The following FDFT1 variants were observed in gnomAD, a reference collection of about 807,000 sequenced individuals.
FDFT1 encodes farnesyl-diphosphate farnesyltransferase 1.
A neutral mutation model predicts 46.8 loss-of-function variants in FDFT1; 68 were observed. The ratio of observed to expected loss-of-function variants is 1.45; its 90% CI spans 1.19 to 1.78. The LOEUF (loss-of-function observed/expected upper bound fraction) is 1.78, where lower values mean the gene tolerates loss of function less well. Ranked by LOEUF, FDFT1 falls within the 40% of genes most tolerant of loss-of-function variation. FDFT1 has a pLI of 0.00. For synonymous variants in FDFT1, 351 were observed against 185.1 expected (o/e 1.90, Z -7.28); for missense variants, 928 against 524.4 (o/e 1.77, Z -7.52).
At chr8:11,807,597 C>T (rs112606914) in intron 1 of FDFT1, among the ~76,000 whole-genome samples, 2 of 152,220 alleles carry the variant, frequency 1.3e-5, no homozygotes, top group Admixed American at 6.5e-5. Flanking sequence ...AAAAAATAGT[C>T]CATGAAAAAA....
chr8:11,838,294 G>A (rs1001512569), intron 7 of FDFT1, 94 bp from the exon 8 acceptor site: 3 of 912,762 alleles, frequency 3.3e-6, no homozygotes, highest in Non-Finnish European at 5.3e-6. Context: ...TGGTAAAATG[G>A]GTATAAAATA....
At chr8:11,801,622 A>T (rs1806125822), upstream of FDFT1, 1 of 208,526 alleles carries the variant, frequency 4.8e-6, no homozygotes, top group Non-Finnish European at 9.8e-6. Context: ...GCTCGGCTAG[A>T]CCTGACAGGT....
chr8:11,829,958 C>T (rs998068483), intron 5 of FDFT1, among the ~76,000 whole-genome samples: 1 of 151,952 alleles, frequency 6.6e-6, no homozygotes, highest in Non-Finnish European at 1.5e-5. Context: ...AGCAATTCTT[C>T]TGTCTCACCC....
intron 3 of FDFT1, among the ~76,000 whole-genome samples, chr8:11,819,099 C>T (rs1455939547): frequency 6.6e-6 from 1 of 152,176 alleles, no homozygotes; most frequent in African/African-American, 2.4e-5. Flanking sequence ...TTTTATTTCT[C>T]CTTCACTTGT....
chr8:11,801,526 G>T (rs1296612964), upstream of FDFT1, among the ~76,000 whole-genome samples: 3 of 152,168 alleles, frequency 2.0e-5, no homozygotes, highest in Non-Finnish European at 2.9e-5. Flanking sequence ...CAGCATGTTG[G>T]CCAGGCTGGT....
Position 11,825,989 on chromosome 8 carries a change from C to T in FDFT1, c.511-35C>T, listed in dbSNP as rs982681929. 9 of 1,454,330 alleles carry T rather than the reference C, an allele frequency of 6.2e-6. No individual in the cohort carries two copies. The African/African-American group carries it at 7.0e-5, about 11-fold the overall frequency. The allele number at this position is 1,454,330 out of a possible 1,614,324, so 90.1% of individuals were successfully genotyped here. A position where few individuals can be genotyped will look rare whatever the true frequency, so the allele number is the denominator to read the frequency against. On this transcript the variant is annotated intron_variant, in intron 4 of 7. Transcript: ENST00000220584. ...AGTGTGTCCATTTCAGTAAAAATTC[C>T]ATTATTAAAGTGCTTTAAAAATCGT... is the stretch of plus-strand genomic sequence containing the variant.
Position 11,831,568 on chromosome 8 carries a change from C to A in FDFT1, c.930C>A (p.Phe310Leu), listed in dbSNP as rs556178209. 2.5e-6 allele frequency: 4 copies of A among 1,614,008 alleles called. No homozygotes were observed. Among genetic ancestry groups the A allele is most frequent in the Non-Finnish European group, 2.5e-6 (3 of 1,179,896 alleles). ...LAACYNNQQV[F>L]KGAVKIRKGQ... ...CCTGTTATAATAACCAGCAGGTGTT[C>A]AAAGGGGCAGTGAAGATTCGGAAAG... The change falls in exon 7 of 8, where the codon TTC (phenylalanine) becomes TTA (leucine). Residue 310 changes from phenylalanine (F) to leucine (L), a missense_variant. Transcript: ENST00000220584.
At chr8:11,815,441 C>T (rs1808315677) in intron 3 of FDFT1, among the ~76,000 whole-genome samples, 1 of 152,194 alleles carries the variant, frequency 6.6e-6, no homozygotes, top group Admixed American at 6.5e-5. Flanking sequence ...TGGGGAATCA[C>T]CATACTGTCT....
chr8:11,804,917 T>TC lies in FDFT1; in HGVS notation c.99+1986_99+1987insC, dbSNP rs1288477949. 4.7e-5 allele frequency among the ~76,000 whole-genome samples: 4 copies of TC among 85,164 alleles called. No homozygotes were observed. In the East Asian group the frequency reaches 1.4e-3, roughly 30 times the overall value. 55.9% of individuals were successfully genotyped at this position (85,164 alleles called of 152,430 possible). A position where few individuals can be genotyped will look rare whatever the true frequency, so the allele number is the denominator to read the frequency against. ...AGCCACTGCACCCGGCCTTTTTTTT[T>TC]TTTTTTTTGAGGGGGGGGTCTCACT... On this transcript the variant is annotated intron_variant, in intron 1 of 7. Transcript: ENST00000220584.
At chr8:11,823,945 C>A (rs763749753) in intron 4 of FDFT1, among the ~76,000 whole-genome samples, 2 of 152,042 alleles carry the variant, frequency 1.3e-5, no homozygotes, top group Non-Finnish European at 2.9e-5. Flanking sequence ...AGGGTTTCAT[C>A]GTGTTGCCTA....
intron 5 of FDFT1, among the ~76,000 whole-genome samples, chr8:11,829,200 A>G (rs961089786): frequency 6.6e-6 from 1 of 152,226 alleles, no homozygotes; most frequent in Non-Finnish European, 1.5e-5. Flanking sequence ...TTTATTTATA[A>G]TAAATGTACA....
At chr8:11,836,758 G>T (rs1811589207) in intron 7 of FDFT1, among the ~76,000 whole-genome samples, 1 of 152,240 alleles carries the variant, frequency 6.6e-6, no homozygotes, top group East Asian at 1.9e-4. Flanking sequence ...AGTCTTGGCT[G>T]GGTGGAGTGG....
chr8:11,800,282 A>G (rs1202457424), upstream of FDFT1, among the ~76,000 whole-genome samples: 3 of 146,334 alleles, frequency 2.1e-5, no homozygotes, highest in Non-Finnish European at 3.0e-5. Context: ...AAAAAAAAAA[A>G]AAAAAAAAAA....
rs538565963 is a variant in FDFT1, at chr8:11,796,685, A to G, written c.-94+674A>G. ...CTTCAGTGATTGGTTTGAGGAGCCT[A>G]TTTGTTTTTCTGTGGTTGATTCTGA... On this transcript the variant is annotated intron_variant, in intron 1 of 7. Transcript: ENST00000538689. Among the ~76,000 whole-genome samples the G allele has an allele frequency of 3.9e-5, 6 of 152,276 alleles. No homozygotes were observed. In the South Asian group the frequency reaches 8.3e-4, roughly 21 times the overall value.
intron 1 of FDFT1, among the ~76,000 whole-genome samples, chr8:11,805,590 G>C (rs78426726): frequency 0.011 from 1,735 of 152,286 alleles, 17 homozygotes; most frequent in Middle Eastern, 0.024. Context: ...CTGTAAAATA[G>C]GGATGTATGT....
chr8:11,820,570 C>G (rs1809091130), intron 3 of FDFT1, among the ~76,000 whole-genome samples: 1 of 152,204 alleles, frequency 6.6e-6, no homozygotes, highest in African/African-American at 2.4e-5. Flanking sequence ...GAAGCCTCAG[C>G]AATGGCGGGG....
In FDFT1 at chr8:11,830,369, C is replaced by A. The variant is rs1810609181; in HGVS notation, c.828C>A (p.Tyr276Ter). The A allele has an allele frequency of 6.2e-7, 1 of 1,613,940 alleles. No homozygotes were observed. Among genetic ancestry groups the A allele is most frequent in the East Asian group, 2.2e-5 (1 of 44,884 alleles). Residue 276 changes from tyrosine to a stop codon, truncating the protein, a stop_gained, in exon 6 of 8, where the codon TAC (tyrosine) becomes TAA (stop). Coordinates refer to ENST00000220584, the MANE Select transcript of FDFT1 (RefSeq NM_004462.5). LOFTEE classifies it high-confidence loss of function. ...ALHHIPDVIT[Y>*]LSRLRNQSVF... ...ACCACATCCCAGATGTCATCACCTACCTTTCGAGACTCAGAAACCAGAGTG... is the reference window on the plus strand; with the variant it reads ...ACCACATCCCAGATGTCATCACCTAACTTTCGAGACTCAGAAACCAGAGTG...
intron 3 of FDFT1, among the ~76,000 whole-genome samples, chr8:11,816,355 T>G (rs1305125287): frequency 6.6e-6 from 1 of 152,210 alleles, no homozygotes; most frequent in East Asian, 1.9e-4. Flanking sequence ...ATGCAGGCTC[T>G]TTTTTGCTTC....
upstream of FDFT1, chr8:11,802,140 G>A (rs113161105): frequency 2.2e-6 from 1 of 453,746 alleles, no homozygotes; most frequent in African/African-American, 2.0e-5. Context: ...AGCTCCAGGA[G>A]TGTGTGGGGC....
Sources: gnomAD v4.1 joint callset for allele counts (sites outside exome capture counted in the v4.1 genomes callset) on GRCh38, gnomAD v4.1.1 for gene constraint, MANE v1.5 for transcripts, NCBI Gene and HGNC (gene_info 2026-07-23, HGNC 2026-07-21) for gene names.